The following PTCHD4 variants were observed in gnomAD, a reference collection of about 807,000 sequenced individuals.
The protein encoded by PTCHD4 is patched domain containing 4.
PTCHD4 carries 33 observed loss-of-function variants against 58.1 expected under a neutral mutation model. The ratio of observed to expected loss-of-function variants is 0.57; its 90% CI spans 0.43 to 0.76. PTCHD4 has a LOEUF of 0.76. Ranked by LOEUF, PTCHD4 falls within the 30% of genes least tolerant of loss-of-function variation. PTCHD4 has a pLI of 0.00. For synonymous variants in PTCHD4, 478 were observed against 409.6 expected (o/e 1.17, Z -2.02); for missense variants, 1,058 against 1,027.1 (o/e 1.03, Z -0.41).
chr6:47,973,195 A>C (rs1464098392), intron 4 of PTCHD4, among the ~76,000 whole-genome samples: 1 of 152,194 alleles, frequency 6.6e-6, no homozygotes, highest in Non-Finnish European at 1.5e-5. Flanking sequence ...TTTTACTATA[A>C]TTAATTTTCT....
chr6:48,019,013 A>G (rs1762963401), intron 3 of PTCHD4, among the ~76,000 whole-genome samples: 1 of 152,250 alleles, frequency 6.6e-6, no homozygotes, highest in African/African-American at 2.4e-5. Context: ...GACATCTGGA[A>G]CATTAACACC....
chr6:47,986,644 T>C (rs549043166), intron 4 of PTCHD4, among the ~76,000 whole-genome samples: 1 of 152,322 alleles, frequency 6.6e-6, no homozygotes, highest in East Asian at 1.9e-4. Flanking sequence ...CATCAAGTCA[T>C]TGAATCTATT....
chr6:47,947,500 G>C (rs917699486), intron 4 of PTCHD4, among the ~76,000 whole-genome samples: 1 of 151,560 alleles, frequency 6.6e-6, no homozygotes, highest in African/African-American at 2.4e-5. Context: ...ACTAAACTCA[G>C]TATAGTTTTG....
intron 1 of PTCHD4, among the ~76,000 whole-genome samples, chr6:48,100,742 C>T (rs1308852968): frequency 6.6e-6 from 1 of 152,172 alleles, no homozygotes; most frequent in African/African-American, 2.4e-5. Context: ...TCACTTTCCT[C>T]TCATTGTTCT....
intron 4 of PTCHD4, among the ~76,000 whole-genome samples, chr6:47,996,205 T>C (rs998099506): frequency 3.9e-5 from 6 of 152,304 alleles, no homozygotes; most frequent in Admixed American, 2.0e-4. Context: ...CGGTGGCTCA[T>C]GCCTGTAATC....
chr6:47,944,659 G>A (rs570121474), intron 4 of PTCHD4, among the ~76,000 whole-genome samples: 21 of 152,162 alleles, frequency 1.4e-4, no homozygotes, highest in African/African-American at 4.8e-4. Context: ...AAGCAAATGG[G>A]AATAGTCATC....
At chr6:47,892,112 T>G (rs1192696691) in intron 4 of PTCHD4, among the ~76,000 whole-genome samples, 2 of 152,066 alleles carry the variant, frequency 1.3e-5, no homozygotes, top group Admixed American at 6.6e-5. Flanking sequence ...AACATGAATA[T>G]TAACATAGGA....
intron 1 of PTCHD4, among the ~76,000 whole-genome samples, chr6:48,100,958 T>C (rs1203895378): frequency 6.6e-6 from 1 of 151,970 alleles, no homozygotes; most frequent in Non-Finnish European, 1.5e-5. Flanking sequence ...TAAAAAATAA[T>C]AAGCAATTTA....
chr6:48,086,949 T>A (rs1387174563), intron 1 of PTCHD4, among the ~76,000 whole-genome samples: 2 of 152,162 alleles, frequency 1.3e-5, no homozygotes, highest in African/African-American at 4.8e-5. Flanking sequence ...TTAGTTACTA[T>A]TTTTTTCAAA....
chr6:48,038,884 G>A lies in PTCHD4; in HGVS notation c.417+29346C>T, dbSNP rs114975490. ...AGAGAACCCAGTGCACCTGGACTTC[G>A]TCAAGACAACATCTGAAAAGGTTTG... On this transcript the variant is annotated intron_variant, in intron 3 of 4. Coordinates refer to ENST00000339488, the MANE Select transcript of PTCHD4 (RefSeq NM_001384253.1). 4.8e-3 allele frequency among the ~76,000 whole-genome samples: 725 copies of A among 152,216 alleles called. 5 individuals carry two copies. The highest frequency in any genetic ancestry group is 0.016 in the African/African-American group (674 of 41,554).
At chr6:48,081,990 T>C (rs1556359) in intron 1 of PTCHD4, among the ~76,000 whole-genome samples, 24,131 of 152,212 alleles carry the variant, frequency 0.16, 1,966 homozygotes, top group African/African-American at 0.21. Context: ...CCAAAGGCCC[T>C]GTTCATTCTG....
At chr6:47,983,246 CT>C (rs201374190) in intron 4 of PTCHD4, among the ~76,000 whole-genome samples, 4 of 151,708 alleles carry the variant, frequency 2.6e-5, no homozygotes, top group Admixed American at 2.0e-4. Context: ...ATTTTTGTTG[CT>C]TTTTTTTGTT....
In PTCHD4 at chr6:48,101,587, T is replaced by C. The variant is rs1765603987; in HGVS notation, c.-970+9462A>G. The stretch of plus-strand genomic sequence containing the variant: ...TACAGTTGATGAGTGGAGATATTTC[T>C]TCCCCTTTTCCCTGTTCAGGTAAAC... On this transcript the variant is annotated intron_variant, in intron 1 of 4. Coordinates refer to ENST00000339488, the MANE Select transcript of PTCHD4 (RefSeq NM_001384253.1). Among the ~76,000 whole-genome samples, 3 of 152,226 alleles carry C rather than the reference T, an allele frequency of 2.0e-5. No homozygotes were observed. The South Asian group carries it at 6.2e-4, about 32-fold the overall frequency.
At chr6:48,094,768 T>C (rs912005282) in intron 1 of PTCHD4, among the ~76,000 whole-genome samples, 1 of 152,182 alleles carries the variant, frequency 6.6e-6, no homozygotes, top group African/African-American at 2.4e-5. Flanking sequence ...AGATAACAGA[T>C]AAATATGGTT....
intron 4 of PTCHD4, among the ~76,000 whole-genome samples, chr6:47,924,173 G>A (rs1297591969): frequency 2.6e-5 from 4 of 151,928 alleles, no homozygotes; most frequent in African/African-American, 7.3e-5. Flanking sequence ...CCCTCATCCC[G>A]AGCTGCTGTC....
At position 47,871,198 on chromosome 6, in the gene PTCHD4, A is replaced by G. The variant is rs1763704703; in HGVS notation, c.*7105T>C. Among the ~76,000 whole-genome samples the G allele has an allele frequency of 1.3e-5, 2 of 151,630 alleles. No individual in the cohort carries two copies. Among genetic ancestry groups the G allele is most frequent in the Admixed American group, 1.3e-4 (2 of 15,170 alleles). On this transcript the variant is annotated 3_prime_UTR_variant, in exon 5 of 5. Coordinates refer to ENST00000339488, the MANE Select transcript of PTCHD4 (RefSeq NM_001384253.1). ...AGGAGTTTTCTTTTCACTGATGCTA[A>G]TGTTTCCGTAAGTGACTTGTGTTTT...
Position 47,872,293 on chromosome 6 carries a change from A to C in PTCHD4, c.*6010T>G, listed in dbSNP as rs1486722074. 1.3e-5 allele frequency among the ~76,000 whole-genome samples: 2 copies of C among 151,692 alleles called. No homozygotes were observed. Among genetic ancestry groups the C allele is most frequent in the East Asian group, 3.9e-4 (2 of 5,142 alleles). ...GAGTGTTTCCTAGTTATTCCTAGGAAATTCTTCAATGCAGTCTTCCAAAGC... is the reference window on the plus strand; with the variant it reads ...GAGTGTTTCCTAGTTATTCCTAGGACATTCTTCAATGCAGTCTTCCAAAGC... On this transcript the variant is annotated 3_prime_UTR_variant, in exon 5 of 5. Transcript: ENST00000339488.
chr6:47,922,799 A>T (rs547701998), intron 4 of PTCHD4, among the ~76,000 whole-genome samples: 2 of 152,316 alleles, frequency 1.3e-5, no homozygotes, highest in South Asian at 4.1e-4. Context: ...TGGATTCAGT[A>T]GCGAGTATTA....
chr6:47,878,327 G>T lies in PTCHD4; in HGVS notation c.2508C>A (p.Asn836Lys), dbSNP rs1298758628. 1 of 1,602,478 alleles carries T rather than the reference G, an allele frequency of 6.2e-7. No homozygotes were observed. The highest frequency in any genetic ancestry group is 8.5e-7 in the Non-Finnish European group (1 of 1,174,674). Residue 836 changes from asparagine to lysine, a missense_variant, in exon 5 of 5, where the codon AAC becomes AAA. Asn to Lys is a moderately conservative substitution (Grantham distance 94, BLOSUM62 0). Transcript: ENST00000339488. ...CTCATACTGTGGTGACGTGATCCGG[G>T]TTCTCTTGAATTTCTATGCATTCAA... ...EEIECIEIQE[N>K]PDHVTTV
Sources: allele counts gnomAD v4.1 joint callset (sites outside exome capture counted in the v4.1 genomes callset), GRCh38; gene constraint gnomAD v4.1.1; transcripts MANE v1.5; gene names NCBI Gene and HGNC (gene_info 2026-07-23, HGNC 2026-07-21).